The following SLC2A11 variants were observed in gnomAD, a reference collection of about 807,000 sequenced individuals.
SLC2A11 encodes solute carrier family 2, facilitated glucose transporter member 11.
A neutral mutation model predicts 52.1 loss-of-function variants in SLC2A11; 43 were observed. The ratio of observed to expected loss-of-function variants is 0.82; its 90% CI spans 0.65 to 1.06. The LOEUF (loss-of-function observed/expected upper bound fraction) is 1.06, where lower values mean the gene tolerates loss of function less well. Ranked by LOEUF, SLC2A11 falls within the 50% of genes least tolerant of loss-of-function variation. The pLI, the probability that SLC2A11 is intolerant of heterozygous loss-of-function variation, is 0.00. For synonymous variants in SLC2A11, 261 were observed against 277.6 expected, an observed-to-expected ratio of 0.94 and a Z score of 0.59; for missense variants, 582 against 654.2, an observed-to-expected ratio of 0.89 and a Z score of 1.20.
upstream of SLC2A11, chr22:23,857,357 G>A (rs2031871193): frequency 8.1e-7 from 1 of 1,237,852 alleles, no homozygotes; most frequent in Non-Finnish European, 1.1e-6. Flanking sequence ...GCTGGCACTT[G>A]CGAGGGCGAA....
chr22:23,862,559 T>G (rs1024841411), intron 2 of SLC2A11, among the ~76,000 whole-genome samples: 5 of 151,966 alleles, frequency 3.3e-5, no homozygotes, highest in African/African-American at 1.2e-4. Context: ...CCCAGCCTCC[T>G]CACTGGCCTC....
intron 3 of SLC2A11, among the ~76,000 whole-genome samples, chr22:23,874,316 TC>T (rs768051832): frequency 2.2e-4 from 34 of 152,312 alleles, no homozygotes; most frequent in Non-Finnish European, 3.1e-4. Context: ...AGACAGGGTC[TC>T]ACTCTGTCAC....
Position 23,858,250 on chromosome 22 carries a change from C to T in SLC2A11, c.30+221C>T. The T allele has an allele frequency of 4.2e-6, 3 of 714,902 alleles. No homozygotes were observed. The Admixed American group carries it at 6.3e-5, about 15-fold the overall frequency. 44.3% of individuals were successfully genotyped at this position (714,902 alleles called of 1,614,324 possible). A position where few individuals can be genotyped will look rare whatever the true frequency, so the allele number is the denominator to read the frequency against. On this transcript the variant is annotated intron_variant, in intron 1 of 11. Coordinates refer to ENST00000316185, the MANE Select transcript of SLC2A11 (RefSeq NM_001024939.4). ...TGTGGGCCAGAGCAAGGTTGCTGGA[C>T]CCTGGCATCCCAGCCCCCAGAGATG...
At chr22:23,880,245 T>TG (rs1474363686) in intron 6 of SLC2A11, among the ~76,000 whole-genome samples, 1 of 112,370 alleles carries the variant, frequency 8.9e-6, no homozygotes, top group African/African-American at 3.6e-5. Context: ...GGTGACAGAG[T>TG]GAGACTCCAT....
At chr22:23,858,256 C>A in intron 1 of SLC2A11, 1 of 699,046 alleles carries the variant, frequency 1.4e-6, no homozygotes, top group Non-Finnish European at 2.6e-6. Flanking sequence ...TGGACCCTGG[C>A]ATCCCAGCCC....
rs758655353 is a variant in SLC2A11, at chr22:23,884,887, C to T, written c.*38C>T. On this transcript the variant is annotated 3_prime_UTR_variant, in exon 12 of 12. Coordinates refer to ENST00000316185, the MANE Select transcript of SLC2A11 (RefSeq NM_001024939.4). The surrounding 1 kb of genome is among the most constrained non-coding windows in gnomAD (Gnocchi z 4.3). Reference sequence around the variant, plus strand: ...GGCCAGAGCCAAAGCCAGCTACTGTCCTGTCCTCTGCTTCCTGCCAGGGCC... The same window carrying T: ...GGCCAGAGCCAAAGCCAGCTACTGTTCTGTCCTCTGCTTCCTGCCAGGGCC... 12 of 1,576,354 alleles carry T rather than the reference C, an allele frequency of 7.6e-6. No homozygotes were observed. The highest frequency in any genetic ancestry group is 1.0e-5 in the Non-Finnish European group (12 of 1,149,728).
chr22:23,885,718 T>G lies in SLC2A11; in HGVS notation c.*869T>G, dbSNP rs1207685965. The G allele has an allele frequency of 2.6e-4, 40 of 151,788 alleles. No individual in the cohort carries two copies. Among genetic ancestry groups the G allele is most frequent in the Admixed American group, 2.6e-3 (40 of 15,210 alleles). 9.4% of individuals were successfully genotyped at this position (151,788 alleles called of 1,614,324 possible). A position where few individuals can be genotyped will look rare whatever the true frequency, so the allele number is the denominator to read the frequency against. The stretch of plus-strand genomic sequence containing the variant: ...GAGACCATGTTTCAAAAAAAATAAA[T>G]ACAGGTTGTAGTGGGTATGGGTATG... On this transcript the variant is annotated 3_prime_UTR_variant, in exon 12 of 12. Transcript: ENST00000316185.
intron 3 of SLC2A11, chr22:23,870,658 C>G (rs11913367): frequency 0.18 from 27,604 of 151,890 alleles, 2,609 homozygotes; most frequent in African/African-American, 0.23. Context: ...TATATTTTCA[C>G]GTTCTGGGCT....
At chr22:23,866,373 C>T in intron 2 of SLC2A11, 1 of 165,222 alleles carries the variant, frequency 6.1e-6, no homozygotes. Flanking sequence ...CAGGGGAGAG[C>T]TGGCCCAGCA....
At chr22:23,879,089 C>T (rs1172631482) in intron 6 of SLC2A11, among the ~76,000 whole-genome samples, 1 of 152,154 alleles carries the variant, frequency 6.6e-6, no homozygotes, top group Non-Finnish European at 1.5e-5. Context: ...CAAGTTCCAG[C>T]TCTGTCCCCT....
intron 2 of SLC2A11, among the ~76,000 whole-genome samples, chr22:23,863,075 C>T (rs570942883): frequency 2.2e-4 from 34 of 152,316 alleles, no homozygotes; most frequent in African/African-American, 7.9e-4. Flanking sequence ...ATGAACCCCT[C>T]GGTTTCACTG....
intron 3 of SLC2A11, among the ~76,000 whole-genome samples, chr22:23,874,755 T>A (rs1218821610): frequency 6.6e-6 from 1 of 151,670 alleles, no homozygotes; most frequent in Non-Finnish European, 1.5e-5. Flanking sequence ...CCCAGCCTAA[T>A]TTTTTTTGTA....
At chr22:23,863,862 C>A (rs1484920713) in intron 2 of SLC2A11, among the ~76,000 whole-genome samples, 12 of 152,050 alleles carry the variant, frequency 7.9e-5, no homozygotes, top group Non-Finnish European at 1.8e-4. Context: ...AACTCCTGAG[C>A]TGAAGTGGTC....
chr22:23,864,972 G>A (rs2032204836), intron 2 of SLC2A11, among the ~76,000 whole-genome samples: 1 of 151,898 alleles, frequency 6.6e-6, no homozygotes. Context: ...GCTGGGCATG[G>A]TGGCATGTGC....
At chr22:23,856,944 G>C (rs2031846598), upstream of SLC2A11, 7 of 1,608,964 alleles carry the variant, frequency 4.4e-6, no homozygotes, top group Non-Finnish European at 5.9e-6. Context: ...ATTCCGCCAA[G>C]TCTCTCGCTC....
upstream of SLC2A11, chr22:23,857,654 G>C: frequency 9.1e-7 from 1 of 1,098,882 alleles, no homozygotes; most frequent in Non-Finnish European, 1.3e-6. Context: ...TCTTAAAAAC[G>C]CTGAGTCCGC....
At chr22:23,864,321 T>C (rs1325723645) in intron 2 of SLC2A11, among the ~76,000 whole-genome samples, 1 of 151,806 alleles carries the variant, frequency 6.6e-6, no homozygotes, top group East Asian at 1.9e-4. Context: ...TGGTTTATTT[T>C]TTATTTATTT....
intron 4 of SLC2A11, among the ~76,000 whole-genome samples, chr22:23,875,512 G>A (rs2032589699): frequency 6.6e-6 from 1 of 152,196 alleles, no homozygotes; most frequent in South Asian, 2.1e-4. Flanking sequence ...CAGGTCCCAT[G>A]TTTGAGTAAC....
intron 4 of SLC2A11, among the ~76,000 whole-genome samples, chr22:23,876,069 C>T (rs896626713): frequency 1.3e-5 from 2 of 151,994 alleles, no homozygotes; most frequent in Non-Finnish European, 2.9e-5. Context: ...AACATGGCAG[C>T]TGGCTTCTTC....
Sources: allele counts gnomAD v4.1 joint callset (sites outside exome capture counted in the v4.1 genomes callset), GRCh38; gene constraint gnomAD v4.1.1; non-coding constraint Gnocchi (gnomAD v3.1); transcripts MANE v1.5; gene names NCBI Gene and HGNC (gene_info 2026-07-23, HGNC 2026-07-21).